Variants in SHOC1 observed in about 807,000 individuals in gnomAD.
The protein encoded by SHOC1 is shortage in chiasmata 1.
In SHOC1, 136 loss-of-function variants were observed where a neutral mutation model predicts 179.2. That is an observed-to-expected ratio of 0.76 (90% CI 0.66 to 0.87). The LOEUF is 0.87. Among genes scored for constraint, SHOC1 ranks in the 40% least tolerant of loss-of-function variants. The pLI is 0.00. For missense variants in SHOC1, 1,538 were observed against 1,700.8 expected (o/e 0.90, Z 1.68); for synonymous variants, 489 against 586.6 (o/e 0.83, Z 2.41).
intron 18 of SHOC1, among the ~76,000 whole-genome samples, chr9:111,708,209 T>TC (rs1463757721): frequency 7.4e-6 from 1 of 135,780 alleles, no homozygotes; most frequent in African/African-American, 3.5e-5. Context: ...TTTTTTATTT[T>TC]TTATTTTTTT....
chr9:111,740,532 C>T (rs559480022), intron 11 of SHOC1, among the ~76,000 whole-genome samples: 16 of 152,090 alleles, frequency 1.1e-4, no homozygotes, highest in Non-Finnish European at 2.2e-4. Context: ...AAATGTATAA[C>T]CTCAAAATTA....
intron 1 of SHOC1, 78 bp from the exon 2 acceptor site, chr9:111,791,532 G>T (rs1028047330): frequency 4.3e-5 from 23 of 537,486 alleles, no homozygotes; most frequent in Non-Finnish European, 6.6e-5. Context: ...CAAAACTTTG[G>T]TTTACTCATT....
chr9:111,691,387 C>A (rs1831413315), intron 27 of SHOC1, among the ~76,000 whole-genome samples, 164 bp downstream of exon 27: 1 of 152,112 alleles, frequency 6.6e-6, no homozygotes, highest in South Asian at 2.1e-4. Flanking sequence ...AATATATTTT[C>A]TCTGCATTTA....
At chr9:111,696,099 TG>T (rs1260253018) in intron 24 of SHOC1, among the ~76,000 whole-genome samples, 3 of 152,192 alleles carry the variant, frequency 2.0e-5, no homozygotes, top group Non-Finnish European at 4.4e-5. Flanking sequence ...CTACTTAATT[TG>T]TTTGCAAAAT....
intron 5 of SHOC1, among the ~76,000 whole-genome samples, chr9:111,771,570 C>A (rs1835609710): frequency 6.6e-6 from 1 of 151,964 alleles, no homozygotes; most frequent in African/African-American, 2.4e-5. Flanking sequence ...ATTGAAGAAC[C>A]CCCTTTACCA....
At chr9:111,702,324 G>T in intron 22 of SHOC1, 98 bp from the exon 23 acceptor site, 1 of 810,410 alleles carries the variant, frequency 1.2e-6, no homozygotes, top group Non-Finnish European at 1.9e-6. Context: ...ATATAAATAA[G>T]TTGAAAAGAG....
chr9:111,704,063 C>T (rs1832128129), intron 21 of SHOC1, 71 bp from the exon 22 acceptor site: 1 of 688,648 alleles, frequency 1.5e-6, no homozygotes, highest in Non-Finnish European at 2.4e-6. Context: ...GTTGTAGTTC[C>T]CTCCTGCATG....
Position 111,707,910 on chromosome 9 carries a change from C to T in SHOC1, c.2503G>A (p.Val835Ile), listed in dbSNP as rs1832353692. The T allele has an allele frequency of 1.9e-6, 3 of 1,577,508 alleles. No individual in the cohort carries two copies. The highest frequency in any genetic ancestry group is 2.6e-6 in the Non-Finnish European group (3 of 1,163,898). The change falls in exon 19 of 28, where the codon GTC becomes ATC. Residue 835 changes from valine to isoleucine, a missense_variant. Coordinates refer to ENST00000682961, the MANE Select transcript of SHOC1 (RefSeq NM_001378211.1). ...TCTTTTCTTTCATTTGAATGAAGGA[C>T]AGTCAGTGTTAAACCTGTTGGAAAA... ...LNKIEGLTLT[V>I]LHSNERKDFL...
Position 111,775,942 on chromosome 9 carries a change from A to T in SHOC1, c.291T>A (p.Asn97Lys). 6.2e-7 allele frequency: 1 copy of T among 1,613,408 alleles called. No individual in the cohort carries two copies. Among genetic ancestry groups the T allele is most frequent in the Non-Finnish European group, 8.5e-7 (1 of 1,179,748 alleles). Residue 97 changes from asparagine to lysine, a missense_variant, in exon 5 of 28, where the codon AAT (asparagine) becomes AAA (lysine). Asn to Lys is a moderately conservative substitution (Grantham distance 94). Coordinates refer to ENST00000682961, the MANE Select transcript of SHOC1 (RefSeq NM_001378211.1). The stretch of plus-strand genomic sequence containing the variant: ...TTGGAACAACTTCCTCAAATTCACA[A>T]TTAATCTGGGTCACCATTCTTGTAA... The part of the protein sequence containing the change: ...KTITRMVTQI[N>K]CEFEEVVPSS...
chr9:111,741,414 C>T, intron 11 of SHOC1, 62 bp downstream of exon 11: 1 of 921,556 alleles, frequency 1.1e-6, no homozygotes, highest in Non-Finnish European at 1.7e-6. Flanking sequence ...TCCCACATTT[C>T]TACTCGTTGT....
chr9:111,690,221 C>T (rs538834494), intron 27 of SHOC1, among the ~76,000 whole-genome samples: 18 of 152,108 alleles, frequency 1.2e-4, no homozygotes, highest in African/African-American at 3.6e-4. Context: ...CCGAGGAGTT[C>T]GAGATCAGCC....
intron 5 of SHOC1, among the ~76,000 whole-genome samples, chr9:111,762,429 AAAAG>A (rs550849099): frequency 7.2e-5 from 11 of 152,266 alleles, no homozygotes; most frequent in African/African-American, 2.4e-4. Context: ...AATTTAAAAA[AAAAG>A]AAAGAAAGAA....
Position 111,775,777 on chromosome 9 carries a change from A to T in SHOC1, c.442+14T>A, listed in dbSNP as rs765822060. 1 of 1,588,646 alleles carries T rather than the reference A, an allele frequency of 6.3e-7. No individual in the cohort carries two copies. The highest frequency in any genetic ancestry group is 1.2e-5 in the South Asian group (1 of 85,980). On this transcript the variant is annotated intron_variant, in intron 5 of 27. Transcript: ENST00000682961. ...TAAGAAATGTTTTACAACAATATAA[A>T]ATAAACGTTTTACCTTGGTTCTGGT...
rs79371791 is a variant in SHOC1 at position 111,764,501 on chromosome 9, T to C, written c.443-5653A>G. Among the ~76,000 whole-genome samples, 1,492 of 152,310 alleles carry C rather than the reference T, an allele frequency of 9.8e-3. 26 individuals carry two copies. Among genetic ancestry groups the C allele is most frequent in the African/African-American group, 0.035 (1,437 of 41,552 alleles). On this transcript the variant is annotated intron_variant, in intron 5 of 27. Coordinates refer to ENST00000682961, the MANE Select transcript of SHOC1 (RefSeq NM_001378211.1). ...TGAATAACACAATACTATTTTCAGC[T>C]ACAAATAGTATTTATGCATTCATAA...
chr9:111,790,952 A>G (rs1255767811), intron 2 of SHOC1, among the ~76,000 whole-genome samples: 1 of 152,196 alleles, frequency 6.6e-6, no homozygotes, highest in East Asian at 1.9e-4. Context: ...TATCATATAC[A>G]AGTTGAGCAT....
chr9:111,692,100 C>G lies in SHOC1; in HGVS notation c.3877G>C (p.Asp1293His), dbSNP rs758451439. Residue 1293 changes from aspartate to histidine, a missense_variant, in exon 27 of 28, where the codon GAT (aspartate) becomes CAT (histidine). Asp to His is a moderately conservative substitution (Grantham distance 81). Transcript: ENST00000682961. Reference sequence around the variant, plus strand: ...TGTGTTAGACCCAAAGAAAAGACATCTGACTCTGAATCACTGTGGTTTAGA... The same window carrying G: ...TGTGTTAGACCCAAAGAAAAGACATGTGACTCTGAATCACTGTGGTTTAGA... Reference protein sequence around the residue: ...SFLNHSDSESDVFSLGLTQMN... With the variant: ...SFLNHSDSESHVFSLGLTQMN... 1 of 1,613,830 alleles carries G rather than the reference C, an allele frequency of 6.2e-7. No homozygotes were observed. The highest frequency in any genetic ancestry group is 1.1e-5 in the South Asian group (1 of 91,062).
At chr9:111,764,438 G>T (rs184914924) in intron 5 of SHOC1, among the ~76,000 whole-genome samples, 2 of 152,268 alleles carry the variant, frequency 1.3e-5, no homozygotes, top group Non-Finnish European at 2.9e-5. Context: ...TGTATCCACT[G>T]TGGATAAGGG....
At chr9:111,700,757 G>C (rs1831934350) in intron 23 of SHOC1, among the ~76,000 whole-genome samples, 1 of 151,262 alleles carries the variant, frequency 6.6e-6, no homozygotes. Flanking sequence ...TGCCTAAACT[G>C]TTGACAAACA....
chr9:111,755,010 G>A (rs1354254357), intron 8 of SHOC1, among the ~76,000 whole-genome samples: 1 of 152,138 alleles, frequency 6.6e-6, no homozygotes, highest in Non-Finnish European at 1.5e-5. Flanking sequence ...TATTATTATT[G>A]TTGTGACAAC....
Sources: allele counts gnomAD v4.1 joint callset (sites outside exome capture counted in the v4.1 genomes callset), GRCh38; gene constraint gnomAD v4.1.1; transcripts MANE v1.5; gene names NCBI Gene and HGNC (gene_info 2026-07-23, HGNC 2026-07-21).